The following ECE1 variants were observed in gnomAD, a reference collection of about 807,000 sequenced individuals.
ECE1 encodes the protein endothelin converting enzyme 1.
ECE1 carries 35 observed loss-of-function variants against 98.6 expected under a neutral mutation model. The observed-to-expected ratio is 0.35, with a 90% CI of 0.27 to 0.47. The LOEUF (loss-of-function observed/expected upper bound fraction) is 0.47. Among genes scored for constraint, ECE1 ranks in the 20% least tolerant of loss-of-function variants. The pLI, the probability that ECE1 is intolerant of heterozygous loss-of-function variation, is 1.00. For missense variants in ECE1, 814 were observed against 1,025.3 expected (o/e 0.79, Z 2.81); for synonymous variants, 394 against 407.1 (o/e 0.97, Z 0.39).
rs374838276 is a variant in ECE1 at position 21,235,959 on chromosome 1, C to T, written c.1489-32G>A. The T allele has an allele frequency of 2.6e-5, 42 of 1,604,312 alleles. No individual in the cohort carries two copies. Among genetic ancestry groups the T allele is most frequent in the South Asian group, 2.4e-4 (22 of 90,892 alleles). On this transcript the variant is annotated intron_variant, in intron 12 of 18. Coordinates refer to ENST00000374893, the MANE Select transcript of ECE1 (RefSeq NM_001397.3). The surrounding 1 kb of genome is among the most constrained non-coding windows in gnomAD (Gnocchi z 4.2). ...AGGACAGACAGAGGAAGTGAGTGCC[C>T]GGCAACATCGACCAGGCCAGCCTGA...
At chr1:21,291,110 C>T (rs770379781), upstream of ECE1, among the ~76,000 whole-genome samples, 13 of 152,062 alleles carry the variant, frequency 8.5e-5, no homozygotes, top group Non-Finnish European at 1.3e-4. Context: ...TCTTCCCCCT[C>T]AAGACTCGGA....
Position 21,220,105 on chromosome 1 carries a change from C to T in ECE1, c.2163G>A (p.Glu721=), listed in dbSNP as rs765337200. The part of the protein sequence containing the change: ...AQVWCSVRTP[E]SSHEGLITDP... The stretch of plus-strand genomic sequence containing the variant: ...CGGTGATGAGGCCTTCGTGGGAGCT[C>T]TCAGGTGTGCGGACGGAGCACCAGA... Residue 721 remains glutamate (E), a synonymous_variant, in exon 19 of 19, where the codon GAG becomes GAA. Transcript: ENST00000374893. The surrounding 1 kb of genome is among the most constrained non-coding windows in gnomAD (Gnocchi z 5.0). The T allele has an allele frequency of 1.9e-6, 3 of 1,613,532 alleles. No homozygotes were observed. Among genetic ancestry groups the T allele is most frequent in the South Asian group, 2.2e-5 (2 of 91,050 alleles).
At position 21,330,133 on chromosome 1, in the gene ECE1, CTTTTTT is replaced by C. The variant is rs397860522; in HGVS notation, c.3+15237_3+15242del. ...CTCCTGCCCACATACTCACTAAATA[CTTTTTT>C]TTTTTTTTTTTTTTTTTTGAGACAG... On this transcript the variant is annotated intron_variant, in intron 1 of 18. Transcript: ENST00000415912. Among the ~76,000 whole-genome samples, 430 of 86,500 alleles carry C rather than the reference CTTTTTT, an allele frequency of 5.0e-3. 4 individuals are homozygous for C. The highest frequency in any genetic ancestry group is 0.025 in the African/African-American group (415 of 16,878). The allele number at this position is 86,500 out of a possible 152,430, so 56.7% of individuals were successfully genotyped here.
chr1:21,270,530 C>T (rs1189920834), intron 4 of ECE1, among the ~76,000 whole-genome samples: 1 of 152,212 alleles, frequency 6.6e-6, no homozygotes, highest in Non-Finnish European at 1.5e-5. Context: ...CTCCGGATCT[C>T]GCTTTCCTCA....
At chr1:21,313,075 C>T (rs181213110) in intron 1 of ECE1, among the ~76,000 whole-genome samples, 9 of 152,270 alleles carry the variant, frequency 5.9e-5, no homozygotes, top group Non-Finnish European at 8.8e-5. Flanking sequence ...GTCTGTCTGA[C>T]TCTAAACTAC....
chr1:21,260,858 T>C lies in ECE1; in HGVS notation c.494-466A>G, dbSNP rs965385498. On this transcript the variant is annotated intron_variant, in intron 4 of 18. Coordinates refer to ENST00000374893, the MANE Select transcript of ECE1 (RefSeq NM_001397.3). The surrounding 1 kb of genome is among the most constrained non-coding windows in gnomAD (Gnocchi z 4.3). ...AAAGGCTCATTCATTATGAATTTAC[T>C]TTTTGCTTCCTCCTTGGAGGGGCTA... 6.6e-6 allele frequency among the ~76,000 whole-genome samples: 1 copy of C among 152,224 alleles called. No homozygotes were observed. The highest frequency in any genetic ancestry group is 1.9e-4 in the East Asian group (1 of 5,202).
At chr1:21,320,264 G>C (rs2103401185) in intron 1 of ECE1, among the ~76,000 whole-genome samples, 1 of 152,274 alleles carries the variant, frequency 6.6e-6, no homozygotes, top group African/African-American at 2.4e-5. Context: ...CAGCTGTATG[G>C]GCTCAAACAG....
chr1:21,308,753 C>T (rs573110689), intron 1 of ECE1, among the ~76,000 whole-genome samples: 3 of 151,524 alleles, frequency 2.0e-5, no homozygotes, highest in Non-Finnish European at 2.9e-5. Flanking sequence ...TACTGAGGGG[C>T]GAGCTGGGGC....
intron 8 of ECE1, among the ~76,000 whole-genome samples, chr1:21,247,763 G>A (rs111902131): frequency 3.9e-4 from 59 of 152,296 alleles, no homozygotes; most frequent in Non-Finnish European, 7.1e-4. Flanking sequence ...AGACAGGCCT[G>A]AAACAGTTGA....
chr1:21,307,945 C>T lies in ECE1; in HGVS notation c.4-17789G>A, dbSNP rs1037008625. 6.6e-6 allele frequency among the ~76,000 whole-genome samples: 1 copy of T among 152,120 alleles called. No individual in the cohort carries two copies. The highest frequency in any genetic ancestry group is 2.4e-5 in the African/African-American group (1 of 41,418). ...GGAGGTGCCTGGCTCAGTTTTGCTG[C>T]GATCCCAATGGGTCACACGCCTTCT... On this transcript the variant is annotated intron_variant, in intron 1 of 18. Coordinates refer to the ECE1 transcript ENST00000415912. The surrounding 1 kb of genome is among the most constrained non-coding windows in gnomAD (Gnocchi z 4.2).
intron 5 of ECE1, among the ~76,000 whole-genome samples, chr1:21,259,599 G>T (rs1307034607): frequency 6.6e-6 from 1 of 152,084 alleles, no homozygotes; most frequent in African/African-American, 2.4e-5. Context: ...AGAGAGGAGG[G>T]GACTAGCATA....
chr1:21,280,695 C>A (rs906986498), intron 2 of ECE1, among the ~76,000 whole-genome samples: 1 of 152,178 alleles, frequency 6.6e-6, no homozygotes, highest in Admixed American at 6.5e-5. Context: ...CTGAGGGGTG[C>A]CCCTGGTGCC....
chr1:21,248,281 C>T (rs1158771675), intron 8 of ECE1, among the ~76,000 whole-genome samples: 1 of 152,014 alleles, frequency 6.6e-6, no homozygotes. Flanking sequence ...AGTGATTCTC[C>T]TGTTTCAGCT....
At chr1:21,326,822 G>A (rs1468387836) in intron 1 of ECE1, among the ~76,000 whole-genome samples, 1 of 152,100 alleles carries the variant, frequency 6.6e-6, no homozygotes, top group Non-Finnish European at 1.5e-5. Context: ...CCGCTGCTGG[G>A]GAGACCCCAC....
At chr1:21,268,405 C>T (rs1431086451) in intron 4 of ECE1, among the ~76,000 whole-genome samples, 2 of 152,210 alleles carry the variant, frequency 1.3e-5, no homozygotes, top group African/African-American at 4.8e-5. Context: ...TGTCCTGCAG[C>T]TGAGGTCAGC....
intron 1 of ECE1, among the ~76,000 whole-genome samples, chr1:21,302,889 C>A (rs1569710559): frequency 6.6e-6 from 1 of 152,210 alleles, no homozygotes; most frequent in East Asian, 1.9e-4. Flanking sequence ...GCTGTTGGCC[C>A]CTGGGCAGCA....
Position 21,279,297 on chromosome 1 carries a change from G to C in ECE1, c.174C>G (p.Cys58Trp). 4 of 1,614,204 alleles carry C rather than the reference G, an allele frequency of 2.5e-6. No homozygotes were observed. Among genetic ancestry groups the C allele is most frequent in the Non-Finnish European group, 2.5e-6 (3 of 1,180,044 alleles). Reference protein sequence around the residue: ...NFHSPRSGQRCWAARTQVEKR... With the variant: ...NFHSPRSGQRWWAARTQVEKR... The stretch of plus-strand genomic sequence containing the variant: ...TCTCCACCTGGGTCCGTGCAGCCCA[G>C]CACCTCTGGCCACTCCGGGGGCTGT... The change falls in exon 3 of 19, where the codon TGC (cysteine) becomes TGG (tryptophan). Residue 58 changes from cysteine (C) to tryptophan (W), a missense_variant. Cys to Trp is a radical substitution (Grantham distance 215). Around this residue, in one of 3 missense-constraint regions of ECE1, gnomAD observed 257 missense variants for 278.9 expected, o/e 0.92. Transcript: ENST00000374893.
chr1:21,285,983 T>C (rs1344039429), intron 2 of ECE1, among the ~76,000 whole-genome samples: 2 of 138,940 alleles, frequency 1.4e-5, no homozygotes, highest in Non-Finnish European at 3.1e-5. Flanking sequence ...CAAGCAAGAC[T>C]CTGTCTCAAA....
At chr1:21,247,133 T>C (rs2098204797) in intron 9 of ECE1, 88 bp downstream of exon 9, 15 of 1,592,902 alleles carry the variant, frequency 9.4e-6, no homozygotes, top group Non-Finnish European at 1.3e-5. Context: ...CTCTCCTGAG[T>C]CAGACTGTCA....
Sources: allele counts gnomAD v4.1 joint callset (sites outside exome capture counted in the v4.1 genomes callset), GRCh38; gene constraint gnomAD v4.1.1; regional missense constraint gnomAD v4.1.1; non-coding constraint Gnocchi (gnomAD v3.1); transcripts MANE v1.5; gene names NCBI Gene and HGNC (gene_info 2026-07-23, HGNC 2026-07-21).